The following EBAG9 variants were observed in gnomAD, a reference collection of about 807,000 sequenced individuals.
The protein encoded by EBAG9 is estrogen receptor binding site associated antigen 9.
A neutral mutation model predicts 30.9 loss-of-function variants in EBAG9; 16 were observed. The ratio of observed to expected loss-of-function variants is 0.52; its 90% confidence interval spans 0.35 to 0.79. The LOEUF is 0.79. EBAG9 is among the 30% of genes least tolerant of loss of function. The pLI, the probability that EBAG9 is intolerant of heterozygous loss-of-function variation, is 0.01. For missense variants in EBAG9, 197 were observed against 242.1 expected (o/e 0.81, Z 1.24); for synonymous variants, 93 against 82.8 (o/e 1.12, Z -0.67).
In EBAG9 at chr8:109,554,532, C is replaced by A. The variant is rs1386708895; in HGVS notation, c.163-197C>A. Among the ~76,000 whole-genome samples the A allele has an allele frequency of 2.0e-5, 3 of 152,190 alleles. No homozygotes were observed. In the East Asian group the frequency reaches 5.8e-4, roughly 29 times the overall value. On this transcript the variant is annotated intron_variant, in intron 3 of 6. Transcript: ENST00000337573. ...ATGGACATAATAGAATAAAATAGAACAGAATATATCAGAATGTCTTGTATT... is the reference window on the plus strand; with the variant it reads ...ATGGACATAATAGAATAAAATAGAAAAGAATATATCAGAATGTCTTGTATT...
chr8:109,557,990 G>A (rs1821635055), intron 5 of EBAG9: 1 of 183,670 alleles, frequency 5.4e-6, no homozygotes. Flanking sequence ...TTGTGATGTG[G>A]TTTTATAAGT....
intron 5 of EBAG9, among the ~76,000 whole-genome samples, chr8:109,559,483 A>T (rs1485508055): frequency 6.6e-6 from 1 of 152,108 alleles, no homozygotes; most frequent in African/African-American, 2.4e-5. Flanking sequence ...AAATAACAAG[A>T]TACAATTTTA....
At chr8:109,555,884 C>T (rs560463619) in intron 4 of EBAG9, among the ~76,000 whole-genome samples, 1 of 152,032 alleles carries the variant, frequency 6.6e-6, no homozygotes, top group Admixed American at 6.6e-5. Context: ...GACTTCTGAC[C>T]CATCACTCTT....
chr8:109,542,623 G>A (rs563043510), intron 1 of EBAG9, among the ~76,000 whole-genome samples: 90 of 152,118 alleles, frequency 5.9e-4, no homozygotes, highest in African/African-American at 2.1e-3. Flanking sequence ...TTTCATTTGA[G>A]AAAGTTTTCT....
intron 1 of EBAG9, among the ~76,000 whole-genome samples, chr8:109,549,317 G>A (rs1821448272): frequency 6.6e-6 from 1 of 151,932 alleles, no homozygotes; most frequent in African/African-American, 2.4e-5. Flanking sequence ...TGGCTAAGGA[G>A]ATTTGTGTCT....
At chr8:109,564,396 C>T (rs1445744789) in intron 6 of EBAG9, 43 bp from the exon 7 acceptor site, 12 of 1,596,016 alleles carry the variant, frequency 7.5e-6, no homozygotes, top group Non-Finnish European at 1.0e-5. Context: ...TGCCATTTTA[C>T]CTGTTTGGTA....
intron 1 of EBAG9, among the ~76,000 whole-genome samples, chr8:109,546,632 G>A (rs916278891): frequency 1.3e-5 from 2 of 152,038 alleles, no homozygotes; most frequent in African/African-American, 4.8e-5. Flanking sequence ...AGATTTTTTT[G>A]CAATTTTTTT....
intron 1 of EBAG9, among the ~76,000 whole-genome samples, chr8:109,546,089 A>C (rs899497935): frequency 6.6e-6 from 1 of 152,228 alleles, no homozygotes; most frequent in East Asian, 1.9e-4. Context: ...TTCTGAAATA[A>C]TGTTTCTTTT....
At chr8:109,554,998 T>A (rs1337957457) in intron 4 of EBAG9, 111 bp downstream of exon 4, 16 of 1,074,554 alleles carry the variant, frequency 1.5e-5, no homozygotes, top group South Asian at 5.0e-5. Flanking sequence ...TTTTTTTTTT[T>A]AATACTTTAA....
At chr8:109,547,627 C>T (rs1048373613) in intron 1 of EBAG9, among the ~76,000 whole-genome samples, 4 of 151,854 alleles carry the variant, frequency 2.6e-5, no homozygotes, top group African/African-American at 9.7e-5. Flanking sequence ...ACTACAGGTG[C>T]CCGCGACCAT....
At chr8:109,560,788 G>T (rs781455222) in intron 5 of EBAG9, 50 bp from the exon 6 acceptor site, 12 of 1,323,782 alleles carry the variant, frequency 9.1e-6, no homozygotes, top group Non-Finnish European at 1.3e-5. Flanking sequence ...CGGCTATGTG[G>T]AGAAAGGATG....
intron 2 of EBAG9, among the ~76,000 whole-genome samples, chr8:109,552,716 G>A (rs1821518129): frequency 6.6e-6 from 1 of 152,112 alleles, no homozygotes; most frequent in Admixed American, 6.5e-5. Context: ...AGAATTGATT[G>A]TATGTTCAGT....
At chr8:109,540,493 G>A (rs1189489313) in intron 1 of EBAG9, 32 bp downstream of exon 1, 1 of 152,012 alleles carries the variant, frequency 6.6e-6, no homozygotes, top group Non-Finnish European at 1.5e-5. Flanking sequence ...CAAATTTCAC[G>A]TGGGTAATCT....
At chr8:109,540,072 C>G (rs1821239081), upstream of EBAG9, 1 of 153,032 alleles carries the variant, frequency 6.5e-6, no homozygotes, top group Admixed American at 6.5e-5. Flanking sequence ...TCCTTTCGCC[C>G]TTCCACCAGA....
At position 109,560,864 on chromosome 8, in the gene EBAG9, G is replaced by T. The variant is rs1821696597; in HGVS notation, c.456G>T (p.Trp152Cys). The T allele has an allele frequency of 6.2e-7, 1 of 1,612,636 alleles. No homozygotes were observed. The highest frequency in any genetic ancestry group is 1.1e-5 in the South Asian group (1 of 90,978). The change falls in exon 6 of 7, where the codon TGG (tryptophan) becomes TGT (cysteine). Residue 152 changes from tryptophan to cysteine, a missense_variant. Physicochemically the swap from Trp to Cys is radical, Grantham distance 215. Coordinates refer to ENST00000337573, the MANE Select transcript of EBAG9 (RefSeq NM_004215.5). ...QSSELGDLDT[W>C]QENTNAWEEE... ...CTGAATTAGGTGACTTAGATACCTG[G>T]CAGGAAAATACCAATGCATGGGAAG...
At chr8:109,543,476 T>C (rs926957021) in intron 1 of EBAG9, among the ~76,000 whole-genome samples, 2 of 152,148 alleles carry the variant, frequency 1.3e-5, no homozygotes, top group African/African-American at 2.4e-5. Context: ...CTGATTTTGT[T>C]TTGTTCTTAT....
At chr8:109,554,480 T>C (rs1015662478) in intron 3 of EBAG9, among the ~76,000 whole-genome samples, 1 of 152,110 alleles carries the variant, frequency 6.6e-6, no homozygotes, top group African/African-American at 2.4e-5. Flanking sequence ...GCATTTGCTT[T>C]CGTTTTACTT....
intron 6 of EBAG9, among the ~76,000 whole-genome samples, chr8:109,562,014 A>G (rs1821721414): frequency 6.6e-6 from 1 of 151,798 alleles, no homozygotes; most frequent in Non-Finnish European, 1.5e-5. Context: ...TATAAAGGGA[A>G]TATTTTTTAA....
At chr8:109,545,979 A>T (rs981926680) in intron 1 of EBAG9, among the ~76,000 whole-genome samples, 4 of 152,244 alleles carry the variant, frequency 2.6e-5, no homozygotes, top group Admixed American at 2.0e-4. Context: ...TGAGTATTAC[A>T]TGTTAATCAC....
Sources: gnomAD v4.1 joint callset for allele counts (sites outside exome capture counted in the v4.1 genomes callset) on GRCh38, gnomAD v4.1.1 for gene constraint, MANE v1.5 for transcripts, NCBI Gene and HGNC (gene_info 2026-07-23, HGNC 2026-07-21) for gene names.